The following MECOM variants were observed in gnomAD, a reference collection of about 807,000 sequenced individuals.
MECOM encodes histone-lysine N-methyltransferase MECOM.
MECOM carries 13 observed loss-of-function variants against 116.3 expected under a neutral mutation model. That is an observed-to-expected ratio of 0.11 (90% confidence interval 0.07 to 0.18). MECOM has a LOEUF of 0.18. MECOM is among the 10% of genes least tolerant of loss of function. The pLI is 1.00. For missense variants in MECOM, 1,299 were observed against 1,509.0 expected, an observed-to-expected ratio of 0.86 and a Z score of 2.31; for synonymous variants, 528 against 535.2, an observed-to-expected ratio of 0.99 and a Z score of 0.19.
At chr3:169,599,668 G>T (rs180995288) in intron 1 of MECOM, among the ~76,000 whole-genome samples, 347 of 152,274 alleles carry the variant, frequency 2.3e-3, no homozygotes, top group Non-Finnish European at 3.7e-3. Flanking sequence ...CTCTCACTGG[G>T]AATGGTTGAG....
At chr3:169,520,142 AAGAACAAGAT>A (rs1310258650) in intron 1 of MECOM, among the ~76,000 whole-genome samples, 2 of 152,372 alleles carry the variant, frequency 1.3e-5, no homozygotes, top group East Asian at 3.9e-4. Flanking sequence ...AAGAAAGCAA[AAGAACAAGAT>A]AGAACAAGAT....
intron 2 of MECOM, among the ~76,000 whole-genome samples, chr3:169,263,408 G>A (rs1757865656): frequency 6.6e-6 from 1 of 151,596 alleles, no homozygotes; most frequent in Non-Finnish European, 1.5e-5. Flanking sequence ...GATTACAGAT[G>A]TGAGCCACCG....
At chr3:169,437,715 T>C (rs1213103844) in intron 1 of MECOM, among the ~76,000 whole-genome samples, 3 of 152,214 alleles carry the variant, frequency 2.0e-5, no homozygotes, top group African/African-American at 7.2e-5. Flanking sequence ...CGTGTTTTCA[T>C]ATGGCATTTT....
intron 2 of MECOM, among the ~76,000 whole-genome samples, chr3:169,177,649 G>T (rs1745359044): frequency 1.3e-5 from 2 of 152,146 alleles, no homozygotes; most frequent in South Asian, 4.2e-4. Flanking sequence ...AGGCGCGGTT[G>T]CTCATGCTTG....
At chr3:169,257,542 A>AT (rs760060681) in intron 2 of MECOM, among the ~76,000 whole-genome samples, 3 of 152,160 alleles carry the variant, frequency 2.0e-5, no homozygotes, top group Non-Finnish European at 4.4e-5. Flanking sequence ...TAATCTTCAC[A>AT]TTTTTATTCA....
At chr3:169,472,657 A>G (rs900826933) in intron 1 of MECOM, among the ~76,000 whole-genome samples, 3,548 of 55,640 alleles carry the variant, frequency 0.064, 612 homozygotes, top group African/African-American at 0.15. Flanking sequence ...GGAAAAGAAA[A>G]GAAAGGAAAG....
chr3:169,594,017 A>G (rs911280449), intron 1 of MECOM, among the ~76,000 whole-genome samples: 3 of 151,898 alleles, frequency 2.0e-5, no homozygotes, highest in Non-Finnish European at 4.4e-5. Context: ...GCTACTCAGG[A>G]GGCTGAGGCA....
intron 1 of MECOM, among the ~76,000 whole-genome samples, chr3:169,400,634 C>A (rs1018752728): frequency 5.3e-5 from 8 of 152,166 alleles, no homozygotes; most frequent in Non-Finnish European, 1.0e-4. Flanking sequence ...TTGATTCCTG[C>A]ATTCTCAGAC....
At chr3:169,114,271 T>G (rs1400676052) in intron 8 of MECOM, among the ~76,000 whole-genome samples, 1 of 152,168 alleles carries the variant, frequency 6.6e-6, no homozygotes, top group Non-Finnish European at 1.5e-5. Context: ...GCAGCCAAAC[T>G]TGGTACTGAC....
chr3:169,417,292 G>A lies in MECOM; in HGVS notation c.38-35768C>T, dbSNP rs569557995. Among the ~76,000 whole-genome samples the A allele has an allele frequency of 2.3e-3, 345 of 149,306 alleles. 6 individuals are homozygous for A. Among genetic ancestry groups the A allele is most frequent in the African/African-American group, 8.2e-3 (337 of 40,916 alleles). Reference sequence around the variant, plus strand: ...AACAAACAACCCCATCAAAAAGTGGGCGAAGGACATGAACAGACACTTCTC... The same window carrying A: ...AACAAACAACCCCATCAAAAAGTGGACGAAGGACATGAACAGACACTTCTC... On this transcript the variant is annotated intron_variant, in intron 1 of 16. Transcript: ENST00000651503.
At chr3:169,463,797 C>T (rs1747833545) in intron 1 of MECOM, 1 of 152,180 alleles carries the variant, frequency 6.6e-6, no homozygotes, top group Non-Finnish European at 1.5e-5. Flanking sequence ...TTTGTTTCCT[C>T]TTAAATGGTA....
chr3:169,479,334 C>G (rs62294352), intron 1 of MECOM, among the ~76,000 whole-genome samples: 1 of 150,816 alleles, frequency 6.6e-6, no homozygotes, highest in East Asian at 2.0e-4. Context: ...GAAAGGGAGG[C>G]GTCTAGGAAC....
chr3:169,107,728 A>G (rs1320211599), intron 10 of MECOM, among the ~76,000 whole-genome samples, 198 bp downstream of exon 10: 2 of 152,198 alleles, frequency 1.3e-5, no homozygotes, highest in Admixed American at 6.5e-5. Context: ...CATTCTGTAA[A>G]CAATTTCTAT....
chr3:169,243,115 T>C (rs1249721814), intron 2 of MECOM, among the ~76,000 whole-genome samples: 1 of 152,192 alleles, frequency 6.6e-6, no homozygotes, highest in African/African-American at 2.4e-5. Flanking sequence ...TCAATGAAGA[T>C]CCTGGATGTT....
At chr3:169,604,221 ATC>A (rs148922198) in intron 1 of MECOM, among the ~76,000 whole-genome samples, 25 of 146,604 alleles carry the variant, frequency 1.7e-4, no homozygotes, top group Non-Finnish European at 2.4e-4. Context: ...AGAGAGAGAA[ATC>A]TCTCTCTCTC....
At chr3:169,330,677 G>A (rs1722575526) in intron 2 of MECOM, among the ~76,000 whole-genome samples, 2 of 151,376 alleles carry the variant, frequency 1.3e-5, no homozygotes, top group African/African-American at 2.4e-5. Flanking sequence ...TTTTATAAAC[G>A]CCTAGAGCAA....
intron 1 of MECOM, among the ~76,000 whole-genome samples, chr3:169,393,771 A>T (rs1483360437): frequency 6.6e-6 from 1 of 152,146 alleles, no homozygotes; most frequent in Non-Finnish European, 1.5e-5. Context: ...ATTAAGTTAC[A>T]TAAAATCTTC....
chr3:169,384,923 C>T (rs1014527862), intron 1 of MECOM, among the ~76,000 whole-genome samples: 14 of 151,634 alleles, frequency 9.2e-5, no homozygotes, highest in South Asian at 2.1e-4. Flanking sequence ...GGCAACATGA[C>T]GAAACCCCAT....
chr3:169,465,516 C>T (rs1748143385), intron 1 of MECOM, among the ~76,000 whole-genome samples: 1 of 152,094 alleles, frequency 6.6e-6, no homozygotes, highest in East Asian at 1.9e-4. Flanking sequence ...AGATAAATGG[C>T]CAACACTTTG....
Sources: gnomAD v4.1 joint callset for allele counts (sites outside exome capture counted in the v4.1 genomes callset) on GRCh38, gnomAD v4.1.1 for gene constraint, MANE v1.5 for transcripts, NCBI Gene and HGNC (gene_info 2026-07-23, HGNC 2026-07-21) for gene names.